The following SHANK1 variants were observed in gnomAD, a reference collection of about 807,000 sequenced individuals.
SHANK1 encodes the protein SH3 and multiple ankyrin repeat domains 1, also known as SH3 and multiple ankyrin repeat domains protein 1.
SHANK1 carries 35 observed loss-of-function variants against 165.6 expected under a neutral mutation model. The ratio of observed to expected loss-of-function variants is 0.21; its 90% confidence interval spans 0.16 to 0.28. SHANK1 has a LOEUF of 0.28. SHANK1 is among the 10% of genes least tolerant of loss of function. SHANK1 has a pLI of 1.00. For missense variants in SHANK1, 2,681 were observed against 3,036.4 expected (o/e 0.88, Z 2.75); for synonymous variants, 1,428 against 1,384.8 (o/e 1.03, Z -0.69).
In SHANK1 at chr19:50,688,013, T is replaced by C; in HGVS notation, c.2218A>G (p.Asn740Asp). Reference sequence around the variant, plus strand: ...GTGTTGCCCCCTTGGCGGATCATGTTCACCACCTGTCGGTGGCCGACCTTC... The same window carrying C: ...GTGTTGCCCCCTTGGCGGATCATGTCCACCACCTGTCGGTGGCCGACCTTC... Reference protein sequence around the residue: ...VVKVGHRQVVNMIRQGGNTLM... With the variant: ...VVKVGHRQVVDMIRQGGNTLM... Residue 740 changes from asparagine (N) to aspartate (D), a missense_variant, in exon 18 of 24, where the codon AAC becomes GAC. Asn to Asp is a conservative substitution (Grantham distance 23). Around this residue, in one of 10 missense-constraint regions of SHANK1, gnomAD observed 147 missense variants for 256.5 expected, o/e 0.57. Coordinates refer to ENST00000293441, the MANE Select transcript of SHANK1 (RefSeq NM_016148.5). The surrounding 1 kb of genome is among the most constrained non-coding windows in gnomAD (Gnocchi z 6.7). The C allele has an allele frequency of 6.2e-7, 1 of 1,614,138 alleles. No homozygotes were observed. The highest frequency in any genetic ancestry group is 8.5e-7 in the Non-Finnish European group (1 of 1,179,996).
At chr19:50,682,914 C>CT (rs1360105705) in intron 21 of SHANK1, among the ~76,000 whole-genome samples, 3 of 152,162 alleles carry the variant, frequency 2.0e-5, no homozygotes, top group South Asian at 2.1e-4. Context: ...CAGCCTCAAC[C>CT]TCGGAGGCTC....
chr19:50,706,361 A>G (rs1181428104), intron 8 of SHANK1, among the ~76,000 whole-genome samples: 1 of 152,110 alleles, frequency 6.6e-6, no homozygotes, highest in Admixed American at 6.5e-5. Context: ...TTCTACATTC[A>G]GATCAATTTC....
Position 50,667,026 on chromosome 19 carries a change from G to C in SHANK1, c.4934C>G (p.Pro1645Arg), listed in dbSNP as rs1422840072. Residue 1645 changes from proline to arginine, a missense_variant, in exon 23 of 24, where the codon CCC (proline) becomes CGC (arginine). Transcript: ENST00000293441. The surrounding 1 kb of genome is among the most constrained non-coding windows in gnomAD (Gnocchi z 5.7). ...TGGGGCAGGCGGGCCTGGTGGATGG[G>C]GGTCCCCAGGAGCGGCGGAGGCCCC... is the stretch of plus-strand genomic sequence containing the variant. ...TQGASAAPGD[P>R]HPPGPPAPAA... 1 of 1,551,560 alleles carries C rather than the reference G, an allele frequency of 6.4e-7. No individual in the cohort carries two copies. The highest frequency in any genetic ancestry group is 2.3e-5 in the East Asian group (1 of 43,404).
Position 50,686,900 on chromosome 19 carries a change from G to C in SHANK1, c.2390-88C>G. The C allele has an allele frequency of 6.7e-7, 1 of 1,489,294 alleles. No individual in the cohort carries two copies. Among genetic ancestry groups the C allele is most frequent in the Non-Finnish European group, 9.1e-7 (1 of 1,097,282 alleles). The allele number at this position is 1,489,294 out of a possible 1,614,324, so 92.3% of individuals were successfully genotyped here. A position where few individuals can be genotyped will look rare whatever the true frequency, so the allele number is the denominator to read the frequency against. On this transcript the variant is annotated intron_variant, in intron 19 of 23. Coordinates refer to ENST00000293441, the MANE Select transcript of SHANK1 (RefSeq NM_016148.5). This position sits in a 1 kb window ranked among gnomAD's most constrained non-coding sequence, Gnocchi z 5.7. Reference sequence around the variant, plus strand: ...GCCTGTGGGCGTGGCCAGCAGGTGCGGGCCAGTGGGCGTGGCGGGCGCGAG... The same window carrying C: ...GCCTGTGGGCGTGGCCAGCAGGTGCCGGCCAGTGGGCGTGGCGGGCGCGAG...
chr19:50,699,528 G>A (rs1483564789), intron 12 of SHANK1, among the ~76,000 whole-genome samples: 22 of 152,226 alleles, frequency 1.4e-4, no homozygotes, highest in Admixed American at 1.4e-3. Flanking sequence ...GATCCTAGGA[G>A]CTGGGGAGGC....
rs764656035 is a variant in SHANK1, at chr19:50,666,211, A to T, written c.5749T>A (p.Ser1917Thr). ...GGASYVPERT[S>T]SLQRQRLSDD... ...GCTTACCTCTGCCGCTGCAGGGAGG[A>T]GGTCCTCTCGGGGACATAGCTGGCT... Residue 1917 changes from serine (S) to threonine (T), a missense_variant, in exon 23 of 24, where the codon TCC becomes ACC. Transcript: ENST00000293441. 6.9e-6 allele frequency: 11 copies of T among 1,602,118 alleles called. No individual in the cohort carries two copies. In the Admixed American group the frequency reaches 1.4e-4, roughly 20 times the overall value.
In SHANK1 at chr19:50,661,993, C is replaced by T. The variant is rs976098547; in HGVS notation, c.6458G>A (p.Arg2153Gln). The T allele has an allele frequency of 9.9e-6, 16 of 1,614,088 alleles. No individual in the cohort carries two copies. The highest frequency in any genetic ancestry group is 1.7e-5 in the Admixed American group (1 of 60,018). Residue 2153 changes from arginine (R) to glutamine (Q), a missense_variant, in exon 24 of 24, where the codon CGG becomes CAG. Coordinates refer to ENST00000293441, the MANE Select transcript of SHANK1 (RefSeq NM_016148.5). ...CCTCTCCAGGAAGAATTTGAGAGCCCGGTCGATGTTCATGCGGTGGCCCAC... is the reference window on the plus strand; with the variant it reads ...CCTCTCCAGGAAGAATTTGAGAGCCTGGTCGATGTTCATGCGGTGGCCCAC... ...TRVGHRMNID[R>Q]ALKFFLER
rs772098608 is a variant in SHANK1, at chr19:50,716,726, G to A, written c.194C>T (p.Pro65Leu). Residue 65 changes from proline to leucine, a missense_variant, in exon 2 of 24, where the codon CCA becomes CTA. Physicochemically the swap from Pro to Leu is moderately conservative, Grantham distance 98. This residue lies in a region of SHANK1 where 118 missense variants were observed against 106.9 expected (regional missense o/e 1.10). Coordinates refer to ENST00000293441, the MANE Select transcript of SHANK1 (RefSeq NM_016148.5). This position sits in a 1 kb window ranked among gnomAD's most constrained non-coding sequence, Gnocchi z 8.4. ...CATCATGCTGAAGTGGGCGTCGTCT[G>A]GGACGGACATTGAGCGGCCCTGGAG... Reference protein sequence around the residue: ...RGLQGRSMSVPDDAHFSMMVF... With the variant: ...RGLQGRSMSVLDDAHFSMMVF... 2 of 1,607,340 alleles carry A rather than the reference G, an allele frequency of 1.2e-6. No individual in the cohort carries two copies. Among genetic ancestry groups the A allele is most frequent in the South Asian group, 2.2e-5 (2 of 90,432 alleles).
chr19:50,667,438 T>A lies in SHANK1; in HGVS notation c.4522A>T (p.Arg1508Trp), dbSNP rs1371054578. ...GGCCCGTCCTCCGAGGGGGGACCCC[T>A]TCCGCTCGTCACAGGGGCCCGGGGC... is the stretch of plus-strand genomic sequence containing the variant. The part of the protein sequence containing the change: ...CQPRAPVTSG[R>W]GPPSEDGPGV... The change falls in exon 23 of 24, where the codon AGG (arginine) becomes TGG (tryptophan). Residue 1508 changes from arginine to tryptophan, a missense_variant. This residue lies in a region of SHANK1 where 1,713 missense variants were observed against 1,630.2 expected (regional missense o/e 1.05). Transcript: ENST00000293441. The surrounding 1 kb of genome is among the most constrained non-coding windows in gnomAD (Gnocchi z 5.7). 6.6e-7 allele frequency: 1 copy of A among 1,526,150 alleles called. No individual in the cohort carries two copies. The highest frequency in any genetic ancestry group is 1.4e-5 in the African/African-American group (1 of 72,786). 94.5% of individuals were successfully genotyped at this position (1,526,150 alleles called of 1,614,324 possible). A position where few individuals can be genotyped will look rare whatever the true frequency, so the allele number is the denominator to read the frequency against.
intron 4 of SHANK1, among the ~76,000 whole-genome samples, chr19:50,714,701 A>AC (rs1255129895): frequency 4.0e-5 from 6 of 151,794 alleles, no homozygotes; most frequent in African/African-American, 1.5e-4. Context: ...AAAAAAAAAA[A>AC]AAAAAAAAAT....
At position 50,660,972 on chromosome 19, in the gene SHANK1, A is replaced by AG. The variant is rs200400646; in HGVS notation, c.*992dup. Among the ~76,000 whole-genome samples the AG allele has an allele frequency of 2.3e-3, 351 of 150,572 alleles. 4 individuals carry two copies. Among genetic ancestry groups the AG allele is most frequent in the Middle Eastern group, 0.017 (5 of 292 alleles). ...GGGGGGCTAGGAGTGTCATGGTGAG[A>AG]GGGGAGAGTTGGGGAGTGGAAGAAT... On this transcript the variant is annotated 3_prime_UTR_variant, in exon 24 of 24. Coordinates refer to ENST00000293441, the MANE Select transcript of SHANK1 (RefSeq NM_016148.5).
intron 23 of SHANK1, among the ~76,000 whole-genome samples, chr19:50,665,737 T>TAAAAA (rs71182756): frequency 0.46 from 45,369 of 97,694 alleles, 12,350 homozygotes; most frequent in Non-Finnish European, 0.52. Context: ...ACCCTGTTTC[T>TAAAAA]AAAAAAAAAA....
rs770124998 is a variant in SHANK1 at position 50,686,287 on chromosome 19, C to T, written c.2527G>A (p.Gly843Ser). Residue 843 changes from glycine (G) to serine (S), a missense_variant, in exon 21 of 24, where the codon GGC becomes AGC. Physicochemically the swap from Gly to Ser is moderately conservative, Grantham distance 56 (BLOSUM62 0). Around this residue, in one of 10 missense-constraint regions of SHANK1, gnomAD observed 206 missense variants for 216.0 expected, o/e 0.95. Transcript: ENST00000293441. This position sits in a 1 kb window ranked among gnomAD's most constrained non-coding sequence, Gnocchi z 5.7. ...CGGTGTTTGCCCAGGGACGCGAGGC[C>T]ACCGGGACCAGGGCTTTCGCTTGCA... Reference protein sequence around the residue: ...ISASESPGPGGLASLGKHRPK... With the variant: ...ISASESPGPGSLASLGKHRPK... 3.7e-6 allele frequency: 6 copies of T among 1,607,492 alleles called. No homozygotes were observed. Among genetic ancestry groups the T allele is most frequent in the Non-Finnish European group, 4.2e-6 (5 of 1,176,628 alleles).
intron 8 of SHANK1, among the ~76,000 whole-genome samples, chr19:50,707,897 T>TTTTCTTTTCTTTTCTTTTCC (rs1491397426): frequency 1.5e-4 from 2 of 13,466 alleles, no homozygotes; most frequent in Admixed American, 2.2e-3. Flanking sequence ...TTTTCTTTTC[T>TTTTCTTTTCTTTTCTTTTCC]TTTCTTTTCT....
At chr19:50,696,378 C>T (rs1240355824) in intron 15 of SHANK1, among the ~76,000 whole-genome samples, 1 of 151,984 alleles carries the variant, frequency 6.6e-6, no homozygotes, top group Non-Finnish European at 1.5e-5. Context: ...GGCACCCCAG[C>T]CCCACCCTCT....
At chr19:50,691,497 C>T (rs1316429800) in intron 15 of SHANK1, among the ~76,000 whole-genome samples, 1 of 152,110 alleles carries the variant, frequency 6.6e-6, no homozygotes, top group African/African-American at 2.4e-5. Context: ...ATACCCCATA[C>T]ATAAGCCTTC....
chr19:50,685,541 T>C (rs1312716004), intron 21 of SHANK1, among the ~76,000 whole-genome samples: 2 of 152,060 alleles, frequency 1.3e-5, no homozygotes, highest in East Asian at 1.9e-4. Context: ...CTGGCCATGA[T>C]GGCAAAACCC....
chr19:50,687,968 T>C lies in SHANK1; in HGVS notation c.2263A>G (p.Met755Val), dbSNP rs753140202. 4.3e-6 allele frequency: 7 copies of C among 1,614,030 alleles called. No homozygotes were observed. The East Asian group carries it at 8.9e-5, about 21-fold the overall frequency. The change falls in exon 18 of 24, where the codon ATG becomes GTG. Residue 755 changes from methionine to valine, a missense_variant. Transcript: ENST00000293441. ...TCCATGTCCGGGTGCCTGGTGACCA[T>C]CACCACCTTCACCATCAGCGTGTTG... ...GGNTLMVKVV[M>V]VTRHPDMDEA...
intron 23 of SHANK1, chr19:50,663,240 G>A (rs569151056): frequency 6.3e-6 from 1 of 158,238 alleles, no homozygotes; most frequent in South Asian, 1.8e-4. Context: ...GACAAAAAGA[G>A]GGTGAGCATC....
Sources: allele counts gnomAD v4.1 joint callset (sites outside exome capture counted in the v4.1 genomes callset), GRCh38; gene constraint gnomAD v4.1.1; regional missense constraint gnomAD v4.1.1; non-coding constraint Gnocchi (gnomAD v3.1); transcripts MANE v1.5; gene names NCBI Gene and HGNC (gene_info 2026-07-23, HGNC 2026-07-21).